INVS: variants seen among roughly 807,000 people sequenced by gnomAD.
INVS encodes the protein inversin.
INVS carries 86 observed loss-of-function variants against 108.8 expected under a neutral mutation model. The observed-to-expected ratio is 0.79, with a 90% CI of 0.66 to 0.95. The LOEUF (loss-of-function observed/expected upper bound fraction) is 0.95. Among genes scored for constraint, INVS ranks in the 40% least tolerant of loss-of-function variants. INVS has a pLI of 0.00. For synonymous variants in INVS, 455 were observed against 473.5 expected (o/e 0.96, Z 0.51); for missense variants, 1,169 against 1,297.4 (o/e 0.90, Z 1.52).
intron 12 of INVS, among the ~76,000 whole-genome samples, chr9:100,277,247 T>C (rs1833140105): frequency 6.6e-6 from 1 of 152,214 alleles, no homozygotes; most frequent in South Asian, 2.1e-4. Context: ...ATAAACCAAC[T>C]TTCAGATTTT....
intron 13 of INVS, among the ~76,000 whole-genome samples, chr9:100,290,169 G>A (rs1015497627): frequency 6.6e-6 from 1 of 152,032 alleles, no homozygotes; most frequent in African/African-American, 2.4e-5. Context: ...ATACAAAAAG[G>A]TGGAGCCAGA....
At chr9:100,149,647 A>T (rs1182578074) in intron 3 of INVS, among the ~76,000 whole-genome samples, 5 of 152,232 alleles carry the variant, frequency 3.3e-5, no homozygotes, top group African/African-American at 1.2e-4. Flanking sequence ...ACGAGTTGAA[A>T]TAAAAACCTG....
chr9:100,100,623 T>TATATAATATATATATTATATATGTAC (rs1826815940), intron 1 of INVS, among the ~76,000 whole-genome samples: 1 of 72,768 alleles, frequency 1.4e-5, no homozygotes, highest in African/African-American at 6.7e-5. Context: ...AATATATGTA[T>TATATAATATATATATTATATATGTAC]ATATAATATA....
intron 14 of INVS, 47 bp from the exon 15 acceptor site, chr9:100,296,870 C>T: frequency 1.4e-6 from 2 of 1,467,720 alleles, no homozygotes; most frequent in South Asian, 2.3e-5. Context: ...ATTTAGTTTT[C>T]TCAGTACTGT....
At position 100,222,475 on chromosome 9, in the gene INVS, T is replaced by C. The variant is rs76678510; in HGVS notation, c.274-3587T>C. Among the ~76,000 whole-genome samples the C allele has an allele frequency of 5.2e-3, 793 of 152,322 alleles. 8 individuals carry two copies. The highest frequency in any genetic ancestry group is 0.018 in the African/African-American group (735 of 41,584). On this transcript the variant is annotated intron_variant, in intron 3 of 16. Coordinates refer to ENST00000262457, the MANE Select transcript of INVS (RefSeq NM_014425.5). ...ACAAAGTACGAGCATTGTACTGTTA[T>C]CTGCTTCATAACAAGGCTCAATGAA... is the stretch of plus-strand genomic sequence containing the variant.
chr9:100,116,261 A>G (rs1269762450), intron 2 of INVS, among the ~76,000 whole-genome samples: 1 of 151,744 alleles, frequency 6.6e-6, no homozygotes, highest in African/African-American at 2.4e-5. Context: ...GAGTCCAGCC[A>G]CTGCACCTGG....
At chr9:100,258,571 G>C (rs1832505202) in intron 10 of INVS, among the ~76,000 whole-genome samples, 1 of 152,172 alleles carries the variant, frequency 6.6e-6, no homozygotes, top group Non-Finnish European at 1.5e-5. Context: ...GGTCTTTGAT[G>C]ATGGTGATGT....
chr9:100,136,318 T>G (rs1184197075), intron 3 of INVS, among the ~76,000 whole-genome samples: 1 of 152,200 alleles, frequency 6.6e-6, no homozygotes, highest in Non-Finnish European at 1.5e-5. Flanking sequence ...TCTCTCCCAG[T>G]ATAACCGTCA....
intron 3 of INVS, among the ~76,000 whole-genome samples, chr9:100,205,777 A>G (rs1388856734): frequency 6.6e-6 from 1 of 152,068 alleles, no homozygotes; most frequent in Non-Finnish European, 1.5e-5. Context: ...TACAATTTGT[A>G]AAGCATTTAT....
intron 16 of INVS, among the ~76,000 whole-genome samples, chr9:100,298,701 T>A (rs1452235373): frequency 1.3e-5 from 2 of 152,110 alleles, no homozygotes; most frequent in Admixed American, 1.3e-4. Context: ...TGAACTTTAA[T>A]ATTCATTTAG....
rs118014870 is a variant in INVS at position 100,191,121 on chromosome 9, G to A, written c.274-34941G>A. Among the ~76,000 whole-genome samples, 452 of 152,160 alleles carry A rather than the reference G, an allele frequency of 3.0e-3. 1 individual carries two copies. The highest frequency in any genetic ancestry group is 5.3e-3 in the Non-Finnish European group (358 of 67,980). The stretch of plus-strand genomic sequence containing the variant: ...AGTAGTCCTCCCACCTCGGCCTCCC[G>A]AAGTGGTATTACAGGCATTAGCTAC... On this transcript the variant is annotated intron_variant, in intron 3 of 16. Transcript: ENST00000262457.
intron 3 of INVS, among the ~76,000 whole-genome samples, chr9:100,174,246 G>A (rs947428141): frequency 6.6e-6 from 1 of 152,166 alleles, no homozygotes; most frequent in African/African-American, 2.4e-5. Context: ...CAGATAGGAT[G>A]TCTTGCAGAA....
At chr9:100,175,324 G>A in intron 3 of INVS, 1 of 731,278 alleles carries the variant, frequency 1.4e-6, no homozygotes, top group South Asian at 1.4e-5. Flanking sequence ...CTCACACAGA[G>A]TCTGGACAGC....
chr9:100,265,644 G>A (rs1832767521), intron 11 of INVS, among the ~76,000 whole-genome samples: 1 of 152,190 alleles, frequency 6.6e-6, no homozygotes, highest in Non-Finnish European at 1.5e-5. Flanking sequence ...TAGACAAAGA[G>A]ATGCCACCAT....
chr9:100,292,443 C>G lies in INVS; in HGVS notation c.2186C>G (p.Thr729Arg). The change falls in exon 14 of 17, where the codon ACA becomes AGA. Residue 729 changes from threonine (T) to arginine (R), a missense_variant. Transcript: ENST00000262457. ...TCTGTTGAGAAGTCCAGAGGTGAGA[C>G]AGCTGGCGATGAGCGGTGTGCAAAG... ...VPSVEKSRGE[T>R]AGDERCAKGK... 1 of 1,614,128 alleles carries G rather than the reference C, an allele frequency of 6.2e-7. No individual in the cohort carries two copies. The highest frequency in any genetic ancestry group is 8.5e-7 in the Non-Finnish European group (1 of 1,180,036).
At chr9:100,109,966 C>T (rs1827293022) in intron 2 of INVS, among the ~76,000 whole-genome samples, 1 of 152,216 alleles carries the variant, frequency 6.6e-6, no homozygotes, top group Non-Finnish European at 1.5e-5. Context: ...TGCGCCCGGC[C>T]TCTACTTGTT....
At chr9:100,284,718 CA>C in intron 13 of INVS, 115 bp downstream of exon 13, 2 of 1,112,168 alleles carry the variant, frequency 1.8e-6, no homozygotes, top group Non-Finnish European at 2.6e-6. Context: ...CTAGGACCGC[CA>C]CTTTATGATT....
intron 16 of INVS, among the ~76,000 whole-genome samples, chr9:100,299,069 G>T (rs542591090): frequency 6.6e-6 from 1 of 152,252 alleles, no homozygotes; most frequent in African/African-American, 2.4e-5. Flanking sequence ...CTTTTAAAAT[G>T]GTGTTTAGCA....
intron 3 of INVS, among the ~76,000 whole-genome samples, chr9:100,127,696 T>C (rs77102377): frequency 0.014 from 2,091 of 152,318 alleles, 47 homozygotes; most frequent in African/African-American, 0.048. Context: ...CATTAAGTTA[T>C]ACTACTGAAT....
Sources: allele counts gnomAD v4.1 joint callset (sites outside exome capture counted in the v4.1 genomes callset), GRCh38; gene constraint gnomAD v4.1.1; transcripts MANE v1.5; gene names NCBI Gene and HGNC (gene_info 2026-07-23, HGNC 2026-07-21).